The following GPC6 variants were observed in gnomAD, a reference collection of about 807,000 sequenced individuals.
GPC6 encodes the protein glypican 6.
Under a neutral mutation model 55.2 loss-of-function variants are expected in GPC6, and 14 were observed. That is an observed-to-expected ratio of 0.25 (90% confidence interval 0.17 to 0.40). The LOEUF is 0.40. Ranked by LOEUF, GPC6 falls within the 10% of genes least tolerant of loss-of-function variation. The probability of loss-of-function intolerance (pLI) is 1.00; values close to 1 mark genes in which losing one functional copy is unlikely to be tolerated. For missense variants in GPC6, 641 were observed against 708.5 expected (o/e 0.90, Z 1.08); for synonymous variants, 278 against 259.6 (o/e 1.07, Z -0.68).
chr13:94,002,680 T>C (rs759312629), intron 3 of GPC6, among the ~76,000 whole-genome samples: 14 of 152,170 alleles, frequency 9.2e-5, no homozygotes, highest in Non-Finnish European at 1.9e-4. Flanking sequence ...TTTCAATGTA[T>C]ATTCAGAAGG....
chr13:94,143,970 A>T (rs914127151), intron 4 of GPC6, among the ~76,000 whole-genome samples: 1 of 152,224 alleles, frequency 6.6e-6, no homozygotes, highest in Non-Finnish European at 1.5e-5. Context: ...CGTGGTTTCA[A>T]CACATTATAG....
rs1014139746 is a variant in GPC6 at position 94,357,063 on chromosome 13, G to A, written c.1153-25351G>A. Among the ~76,000 whole-genome samples, 8 of 152,008 alleles carry A rather than the reference G, an allele frequency of 5.3e-5. No individual in the cohort carries two copies. In the South Asian group the frequency reaches 8.3e-4, roughly 16 times the overall value. On this transcript the variant is annotated intron_variant, in intron 6 of 8. Coordinates refer to ENST00000377047, the MANE Select transcript of GPC6 (RefSeq NM_005708.5). ...GCCCACCCCACCTGGCTTTCCCAGC[G>A]CCATACCTGTGTATCCTTCTGGACC... is the stretch of plus-strand genomic sequence containing the variant.
At chr13:93,275,934 G>T (rs2139059832) in intron 1 of GPC6, among the ~76,000 whole-genome samples, 1 of 152,278 alleles carries the variant, frequency 6.6e-6, no homozygotes, top group East Asian at 1.9e-4. Context: ...GAGTGCGGCG[G>T]CGCGATCTCG....
At chr13:93,979,114 G>A (rs1162618500) in intron 3 of GPC6, among the ~76,000 whole-genome samples, 1 of 152,008 alleles carries the variant, frequency 6.6e-6, no homozygotes, top group Non-Finnish European at 1.5e-5. Flanking sequence ...AGAACTTTCT[G>A]AGATGAGGGA....
chr13:94,001,402 A>T (rs1212348014), intron 3 of GPC6, among the ~76,000 whole-genome samples: 2 of 152,224 alleles, frequency 1.3e-5, no homozygotes, highest in African/African-American at 4.8e-5. Flanking sequence ...TTTTACAATT[A>T]TAAATATCTT....
intron 4 of GPC6, among the ~76,000 whole-genome samples, chr13:94,204,749 T>C (rs189336231): frequency 6.6e-6 from 1 of 152,210 alleles, no homozygotes; most frequent in Non-Finnish European, 1.5e-5. Context: ...ATTCTGTCAC[T>C]AGAATTAATC....
chr13:93,624,491 T>C (rs1017856059), intron 2 of GPC6, among the ~76,000 whole-genome samples: 1 of 152,204 alleles, frequency 6.6e-6, no homozygotes, highest in African/African-American at 2.4e-5. Flanking sequence ...AGCTATTTCA[T>C]TGTGAATGGA....
At chr13:94,067,529 G>A (rs1009698645) in intron 4 of GPC6, among the ~76,000 whole-genome samples, 9 of 151,614 alleles carry the variant, frequency 5.9e-5, no homozygotes, top group Non-Finnish European at 1.2e-4. Context: ...GATGCAATAT[G>A]GGGTGTGCTT....
intron 4 of GPC6, among the ~76,000 whole-genome samples, chr13:94,266,489 G>A (rs1466133525): frequency 6.6e-6 from 1 of 151,956 alleles, no homozygotes; most frequent in Non-Finnish European, 1.5e-5. Context: ...TTTTCTTACT[G>A]CTGTTCTCCT....
At chr13:94,145,704 G>A (rs192342698) in intron 4 of GPC6, among the ~76,000 whole-genome samples, 119 of 152,226 alleles carry the variant, frequency 7.8e-4, no homozygotes, top group African/African-American at 2.7e-3. Context: ...TCCAAGTATG[G>A]GGGAATTCAA....
chr13:93,460,747 T>A (rs912977105), intron 1 of GPC6, among the ~76,000 whole-genome samples: 2 of 152,156 alleles, frequency 1.3e-5, no homozygotes, highest in African/African-American at 4.8e-5. Flanking sequence ...GTTTTCTATA[T>A]TGATCAGACA....
chr13:93,449,147 G>A (rs1376699931), intron 1 of GPC6, among the ~76,000 whole-genome samples: 2 of 152,222 alleles, frequency 1.3e-5, no homozygotes, highest in East Asian at 3.8e-4. Context: ...AAAGCACAAT[G>A]TAAGGATGCC....
At chr13:93,831,199 C>T (rs1213992291) in intron 3 of GPC6, among the ~76,000 whole-genome samples, 1 of 152,138 alleles carries the variant, frequency 6.6e-6, no homozygotes, top group Non-Finnish European at 1.5e-5. Context: ...TAAGATCAAT[C>T]ATTAATCTAC....
chr13:93,817,840 AGAGT>A (rs1230638375), intron 2 of GPC6, among the ~76,000 whole-genome samples: 1 of 150,388 alleles, frequency 6.6e-6, no homozygotes, highest in Non-Finnish European at 1.5e-5. Flanking sequence ...CCTGGGTGAC[AGAGT>A]GAGACCCTGT....
chr13:94,094,070 A>AT (rs11376190), intron 4 of GPC6, among the ~76,000 whole-genome samples: 150,263 of 152,196 alleles, frequency 0.99, 74,205 homozygotes, highest in East Asian at 1. Context: ...TTCGAAATGA[A>AT]TTGTTTAGCT....
At chr13:93,684,140 T>C (rs1881954678) in intron 2 of GPC6, among the ~76,000 whole-genome samples, 1 of 152,120 alleles carries the variant, frequency 6.6e-6, no homozygotes, top group African/African-American at 2.4e-5. Context: ...ACAGATTTAT[T>C]ACTTCATACC....
intron 4 of GPC6, among the ~76,000 whole-genome samples, chr13:94,222,638 T>C (rs1186485584): frequency 6.6e-6 from 1 of 152,178 alleles, no homozygotes; most frequent in Non-Finnish European, 1.5e-5. Flanking sequence ...ATTCTAGATG[T>C]ATGTCTCACC....
chr13:94,026,029 G>A (rs1404055891), intron 3 of GPC6, among the ~76,000 whole-genome samples: 4 of 152,108 alleles, frequency 2.6e-5, no homozygotes, highest in East Asian at 1.9e-4. Flanking sequence ...GTAGAAAAAC[G>A]TAAATTGTAC....
At chr13:93,574,876 T>C (rs781301529) in intron 2 of GPC6, among the ~76,000 whole-genome samples, 1 of 152,224 alleles carries the variant, frequency 6.6e-6, no homozygotes. Flanking sequence ...TAGAGGTTCA[T>C]CCATATCAGA....
Sources: allele counts gnomAD v4.1 joint callset (sites outside exome capture counted in the v4.1 genomes callset), GRCh38; gene constraint gnomAD v4.1.1; transcripts MANE v1.5; gene names NCBI Gene and HGNC (gene_info 2026-07-23, HGNC 2026-07-21).